Variants in CRPPA observed in about 807,000 individuals in gnomAD.
CRPPA encodes the protein D-ribitol-5-phosphate cytidylyltransferase.
A neutral mutation model predicts 52.0 loss-of-function variants in CRPPA; 43 were observed. The observed-to-expected ratio is 0.83, with a 90% CI of 0.65 to 1.07. The LOEUF (loss-of-function observed/expected upper bound fraction) is 1.07. Ranked by LOEUF, CRPPA falls within the 50% of genes least tolerant of loss-of-function variation. The pLI, the probability that CRPPA is intolerant of heterozygous loss-of-function variation, is 0.00. For synonymous variants in CRPPA, 250 were observed against 203.5 expected (o/e 1.23, Z -1.94); for missense variants, 629 against 551.7 (o/e 1.14, Z -1.40).
At chr7:16,114,497 C>T (rs777556913) in intron 9 of CRPPA, among the ~76,000 whole-genome samples, 10 of 152,060 alleles carry the variant, frequency 6.6e-5, no homozygotes, top group Non-Finnish European at 1.3e-4. Flanking sequence ...AAGGGAGCTA[C>T]TGATGAGTAT....
intron 5 of CRPPA, among the ~76,000 whole-genome samples, chr7:16,291,852 T>G (rs1374316515): frequency 6.6e-6 from 1 of 151,934 alleles, no homozygotes; most frequent in Non-Finnish European, 1.5e-5. Flanking sequence ...ATACCAATTT[T>G]TAAAAATCAG....
chr7:16,399,350 C>G (rs746525661), intron 2 of CRPPA, among the ~76,000 whole-genome samples: 1 of 151,994 alleles, frequency 6.6e-6, no homozygotes, highest in African/African-American at 2.4e-5. Flanking sequence ...TGACACATGA[C>G]TGACATGATT....
At chr7:16,162,805 G>T (rs1780935572) in intron 9 of CRPPA, among the ~76,000 whole-genome samples, 1 of 151,970 alleles carries the variant, frequency 6.6e-6, no homozygotes, top group South Asian at 2.1e-4. Flanking sequence ...TTATTGTGTG[G>T]GAGTCTAAGT....
chr7:16,115,480 T>C (rs944132269), intron 9 of CRPPA, among the ~76,000 whole-genome samples: 1 of 152,010 alleles, frequency 6.6e-6, no homozygotes, highest in Non-Finnish European at 1.5e-5. Context: ...TATAGAAGAG[T>C]GTTTCTGTGT....
chr7:16,236,312 T>A (rs1205319688), intron 8 of CRPPA, among the ~76,000 whole-genome samples: 1 of 152,150 alleles, frequency 6.6e-6, no homozygotes, highest in African/African-American at 2.4e-5. Flanking sequence ...TTTTCAGTAT[T>A]GACTCTGGGA....
At chr7:16,278,977 T>C (rs894551657) in intron 5 of CRPPA, among the ~76,000 whole-genome samples, 6 of 152,170 alleles carry the variant, frequency 3.9e-5, no homozygotes, top group African/African-American at 1.4e-4. Context: ...GAAATCTGAG[T>C]AGAATTTTTC....
At chr7:16,149,054 T>A (rs1783026688) in intron 9 of CRPPA, among the ~76,000 whole-genome samples, 2 of 152,204 alleles carry the variant, frequency 1.3e-5, no homozygotes, top group Admixed American at 1.3e-4. Context: ...ATTTTGTTTT[T>A]ATCAACAATA....
intron 3 of CRPPA, among the ~76,000 whole-genome samples, chr7:16,324,236 TG>T (rs1785327522): frequency 1.3e-5 from 2 of 152,204 alleles, no homozygotes; most frequent in African/African-American, 2.4e-5. Flanking sequence ...AGCTAAGATG[TG>T]GTCCCCTAGT....
At chr7:16,351,144 A>G (rs892849782) in intron 3 of CRPPA, among the ~76,000 whole-genome samples, 5 of 152,190 alleles carry the variant, frequency 3.3e-5, no homozygotes, top group African/African-American at 1.2e-4. Flanking sequence ...TAACACAGTA[A>G]CAGATTTCAA....
At chr7:16,242,988 A>G (rs1783166961) in intron 8 of CRPPA, among the ~76,000 whole-genome samples, 1 of 152,202 alleles carries the variant, frequency 6.6e-6, no homozygotes, top group Non-Finnish European at 1.5e-5. Context: ...AGTAATCAAT[A>G]TCACCACCAG....
chr7:16,337,472 G>A (rs1253680162), intron 3 of CRPPA, among the ~76,000 whole-genome samples: 1 of 151,944 alleles, frequency 6.6e-6, no homozygotes, highest in Non-Finnish European at 1.5e-5. Flanking sequence ...AGTCCTAAGT[G>A]GCAAATTTAT....
intron 9 of CRPPA, among the ~76,000 whole-genome samples, chr7:16,145,426 T>G (rs1782956009): frequency 6.6e-6 from 1 of 152,036 alleles, no homozygotes; most frequent in African/African-American, 2.4e-5. Context: ...ATACAAAACA[T>G]GAAGAATGAG....
At chr7:16,292,326 CAG>C (rs772015632) in intron 5 of CRPPA, among the ~76,000 whole-genome samples, 3 of 151,876 alleles carry the variant, frequency 2.0e-5, no homozygotes, top group Non-Finnish European at 4.4e-5. Context: ...CTCAGGAGGT[CAG>C]TTGTCCTTTT....
chr7:16,204,337 G>A (rs1431282264), intron 9 of CRPPA, among the ~76,000 whole-genome samples: 1 of 152,028 alleles, frequency 6.6e-6, no homozygotes, highest in African/African-American at 2.4e-5. Flanking sequence ...AATATGAGTA[G>A]GACTGGAGGC....
At chr7:16,125,227 T>C (rs1303841948) in intron 9 of CRPPA, among the ~76,000 whole-genome samples, 2 of 119,114 alleles carry the variant, frequency 1.7e-5, no homozygotes, top group Non-Finnish European at 3.2e-5. Flanking sequence ...ACCACTGCAC[T>C]CCAGCCTGGG....
intron 5 of CRPPA, among the ~76,000 whole-genome samples, chr7:16,295,756 T>A (rs1472099548): frequency 6.6e-6 from 1 of 152,134 alleles, no homozygotes; most frequent in African/African-American, 2.4e-5. Flanking sequence ...ACCACTGGCA[T>A]CTGTTACCAC....
chr7:16,295,395 G>A (rs183089991), intron 5 of CRPPA, among the ~76,000 whole-genome samples: 1 of 152,028 alleles, frequency 6.6e-6, no homozygotes, highest in Admixed American at 6.6e-5. Flanking sequence ...GGGATGAAAT[G>A]GATTTCCAAT....
chr7:16,249,504 C>G (rs894597661), intron 8 of CRPPA, among the ~76,000 whole-genome samples: 1 of 152,140 alleles, frequency 6.6e-6, no homozygotes, highest in African/African-American at 2.4e-5. Context: ...GGTGGGTGCC[C>G]CTCTGGGACA....
chr7:16,258,207 G>T (rs1342894869), intron 8 of CRPPA, among the ~76,000 whole-genome samples, 183 bp downstream of exon 8: 1 of 152,066 alleles, frequency 6.6e-6, no homozygotes, highest in Non-Finnish European at 1.5e-5. Flanking sequence ...CCAAATGATT[G>T]CAATAATAAA....
Sources: gnomAD v4.1 joint callset for allele counts (sites outside exome capture counted in the v4.1 genomes callset) on GRCh38, gnomAD v4.1.1 for gene constraint, MANE v1.5 for transcripts, NCBI Gene and HGNC (gene_info 2026-07-23, HGNC 2026-07-21) for gene names.